The following FURIN variants were observed in gnomAD, a reference collection of about 807,000 sequenced individuals.
The protein encoded by FURIN is furin, paired basic amino acid cleaving enzyme, also known as FES upstream region.
Under a neutral mutation model 89.2 loss-of-function variants are expected in FURIN, and 18 were observed. The ratio of observed to expected loss-of-function variants is 0.20; its 90% CI spans 0.14 to 0.30. The LOEUF is 0.30. FURIN is among the 10% of genes least tolerant of loss of function. FURIN has a pLI of 1.00. For missense variants in FURIN, 879 were observed against 1,100.5 expected (o/e 0.80, Z 2.85); for synonymous variants, 508 against 466.4 (o/e 1.09, Z -1.15).
rs766394395 is a variant in FURIN, at chr15:90,875,585, C to G, written c.-156C>G. On this transcript the variant is annotated 5_prime_UTR_variant, in exon 2 of 16. Coordinates refer to ENST00000268171, the MANE Select transcript of FURIN (RefSeq NM_002569.4). ...TTTCCCCTCTTGTTCCTCTCAGGGT[C>G]GGCACTCTTCACCCTCCCGAGCCCT... 6 of 593,900 alleles carry G rather than the reference C, an allele frequency of 1.0e-5. No individual in the cohort carries two copies. The East Asian group carries it at 1.5e-4, about 15-fold the overall frequency. 36.8% of individuals were successfully genotyped at this position (593,900 alleles called of 1,614,324 possible). A position where few individuals can be genotyped will look rare whatever the true frequency, so the allele number is the denominator to read the frequency against.
intron 9 of FURIN, 150 bp from the exon 10 acceptor site, chr15:90,879,294 C>T: frequency 1.5e-6 from 1 of 655,842 alleles, no homozygotes; most frequent in Non-Finnish European, 2.7e-6. Context: ...GGCAAGTTAG[C>T]AAGGCAGCAG....
chr15:90,881,464 A>G lies in FURIN; in HGVS notation c.1971A>G (p.Thr657=). The change falls in exon 16 of 16, where the codon ACA becomes ACG. Residue 657 remains threonine, a synonymous_variant. Transcript: ENST00000268171. This position sits in a 1 kb window ranked among gnomAD's most constrained non-coding sequence, Gnocchi z 4.3. The part of the protein sequence containing the change: ...SCATCQGPAL[T]DCLSCPSHAS... The stretch of plus-strand genomic sequence containing the variant: ...CCACATGCCAGGGGCCGGCCCTGAC[A>G]GACTGCCTCAGCTGCCCCAGCCACG... The G allele has an allele frequency of 6.2e-7, 1 of 1,611,978 alleles. No individual in the cohort carries two copies. Among genetic ancestry groups the G allele is most frequent in the Non-Finnish European group, 8.5e-7 (1 of 1,179,746 alleles).
Position 90,875,868 on chromosome 15 carries a change from C to T in FURIN, c.128C>T (p.Ala43Val), listed in dbSNP as rs16944971. Residue 43 changes from alanine (A) to valine (V), a missense_variant, in exon 2 of 16, where the codon GCG (alanine) becomes GTG (valine). Ala to Val is a moderately conservative substitution (Grantham distance 64, BLOSUM62 0). Transcript: ENST00000268171. ...TWAVRIPGGP[A>V]VANSVARKHG... The stretch of plus-strand genomic sequence containing the variant: ...GCTGTGCGCATCCCTGGAGGCCCAG[C>T]GGTGGCCAACAGTGTGGCACGGAAG... 6.7e-3 allele frequency: 10,598 copies of T among 1,586,906 alleles called. 264 individuals carry two copies. In the African/African-American group the frequency reaches 0.079, roughly 12 times the overall value.
In FURIN at chr15:90,876,686, C is replaced by G; in HGVS notation, c.372+129C>G. 15 of 814,228 alleles carry G rather than the reference C, an allele frequency of 1.8e-5. 3 individuals carry two copies. The South Asian group carries it at 2.3e-4, about 13-fold the overall frequency. 50.4% of individuals were successfully genotyped at this position (814,228 alleles called of 1,614,324 possible). ...GTTTCCTTTCCTCCTGCTGGGCAGT[C>G]TCTCCTTGGCCCATCCTAATAAGCA... On this transcript the variant is annotated intron_variant, in intron 4 of 15. Coordinates refer to ENST00000268171, the MANE Select transcript of FURIN (RefSeq NM_002569.4). The surrounding 1 kb of genome is among the most constrained non-coding windows in gnomAD (Gnocchi z 5.0).
At position 90,876,224 on chromosome 15, in the gene FURIN, A is replaced by G; in HGVS notation, c.178-31A>G. 1 of 1,428,770 alleles carries G rather than the reference A, an allele frequency of 7.0e-7. No homozygotes were observed. Among genetic ancestry groups the G allele is most frequent in the Non-Finnish European group, 9.9e-7 (1 of 1,011,624 alleles). 88.5% of individuals were successfully genotyped at this position (1,428,770 alleles called of 1,614,324 possible). A position where few individuals can be genotyped will look rare whatever the true frequency, so the allele number is the denominator to read the frequency against. On this transcript the variant is annotated intron_variant, in intron 2 of 15. Coordinates refer to ENST00000268171, the MANE Select transcript of FURIN (RefSeq NM_002569.4). The surrounding 1 kb of genome is among the most constrained non-coding windows in gnomAD (Gnocchi z 5.0). Reference sequence around the variant, plus strand: ...GCCTCCCGGGGACTGACAGATGGAAAGCCCAGCTCAGTCTCCCTGCTCTAT... The same window carrying G: ...GCCTCCCGGGGACTGACAGATGGAAGGCCCAGCTCAGTCTCCCTGCTCTAT...
rs534765439 is a variant in FURIN at position 90,875,927 on chromosome 15, C to A, written c.177+10C>A. ...CCTCAACCTGGGCCAGGTAGGTGTT[C>A]CCCCACAGGACACTGCCAGGGGGTG... On this transcript the variant is annotated intron_variant, in intron 2 of 15. Transcript: ENST00000268171. The A allele has an allele frequency of 1.3e-6, 2 of 1,568,992 alleles. No homozygotes were observed. The highest frequency in any genetic ancestry group is 1.2e-5 in the South Asian group (1 of 84,906).
chr15:90,870,397 G>A (rs60896126), intron 1 of FURIN, among the ~76,000 whole-genome samples: 2,607 of 152,284 alleles, frequency 0.017, 75 homozygotes, highest in African/African-American at 0.059. Flanking sequence ...CATGGGGCAT[G>A]TGGTGAGGAT....
chr15:90,876,796 A>C lies in FURIN; in HGVS notation c.373-100A>C. On this transcript the variant is annotated intron_variant, in intron 4 of 15. Transcript: ENST00000268171. This position sits in a 1 kb window ranked among gnomAD's most constrained non-coding sequence, Gnocchi z 5.0. ...GCGGCCTTTCAGGAGCAGGGATGGT[A>C]CAGGAGGAGGTTTTACGGGGGCAAA... The C allele has an allele frequency of 7.7e-7, 1 of 1,303,680 alleles. No individual in the cohort carries two copies. Among genetic ancestry groups the C allele is most frequent in the Non-Finnish European group, 1.1e-6 (1 of 914,858 alleles). 80.8% of individuals were successfully genotyped at this position (1,303,680 alleles called of 1,614,324 possible).
chr15:90,881,775 G>T lies in FURIN; in HGVS notation c.2282G>T (p.Gly761Val). The change falls in exon 16 of 16, where the codon GGG becomes GTG. Residue 761 changes from glycine to valine, a missense_variant. Physicochemically the swap from Gly to Val is moderately radical, Grantham distance 109. Around this residue, in one of 5 missense-constraint regions of FURIN, gnomAD observed 457 missense variants for 490.7 expected, o/e 0.93. Transcript: ENST00000268171. This position sits in a 1 kb window ranked among gnomAD's most constrained non-coding sequence, Gnocchi z 4.3. ...GACCGTGGCCTCATCTCCTACAAGG[G>T]GCTGCCCCCTGAAGCCTGGCAGGAG... ...TMDRGLISYK[G>V]LPPEAWQEEC... The T allele has an allele frequency of 1.2e-6, 2 of 1,613,410 alleles. No homozygotes were observed. The highest frequency in any genetic ancestry group is 1.7e-6 in the Non-Finnish European group (2 of 1,179,720).
rs577668112 is a variant in FURIN, at chr15:90,881,364, A to C, written c.1871A>C (p.Asp624Ala). ...CCAGGGTTCGCCCCCCAAGTCCTCG[A>C]TACGCACTATAGCACCGAGAATGAC... ...CPPGFAPQVL[D>A]THYSTENDVE... The change falls in exon 16 of 16, where the codon GAT becomes GCT. Residue 624 changes from aspartate (D) to alanine (A), a missense_variant. By Grantham distance (126) the Asp-to-Ala change is moderately radical (BLOSUM62 -2). Coordinates refer to ENST00000268171, the MANE Select transcript of FURIN (RefSeq NM_002569.4). This position sits in a 1 kb window ranked among gnomAD's most constrained non-coding sequence, Gnocchi z 4.3. 6.2e-7 allele frequency: 1 copy of C among 1,612,974 alleles called. No individual in the cohort carries two copies. Among genetic ancestry groups the C allele is most frequent in the Admixed American group, 1.7e-5 (1 of 60,014 alleles).
At position 90,880,148 on chromosome 15, in the gene FURIN, G is replaced by C. The variant is rs756991526; in HGVS notation, c.1431G>C (p.Glu477Asp). 1 of 1,612,410 alleles carries C rather than the reference G, an allele frequency of 6.2e-7. No individual in the cohort carries two copies. Among genetic ancestry groups the C allele is most frequent in the East Asian group, 2.2e-5 (1 of 44,850 alleles). The change falls in exon 13 of 16, where the codon GAG (glutamate) becomes GAC (aspartate). Residue 477 changes from glutamate to aspartate, a missense_variant. This residue lies in a region of FURIN where 457 missense variants were observed against 490.7 expected (regional missense o/e 0.93). Coordinates refer to ENST00000268171, the MANE Select transcript of FURIN (RefSeq NM_002569.4). ...VRKTVTACLG[E>D]PNHITRLEHA... ...AGACCGTGACCGCGTGCCTGGGCGAGCCCAACCACATCACTCGGCTGGAGC... is the reference window on the plus strand; with the variant it reads ...AGACCGTGACCGCGTGCCTGGGCGACCCCAACCACATCACTCGGCTGGAGC...
In FURIN at chr15:90,877,560, G is replaced by A. The variant is rs749615638; in HGVS notation, c.612G>A (p.Ala204=). The A allele has an allele frequency of 7.6e-6, 12 of 1,579,652 alleles. No homozygotes were observed. The highest frequency in any genetic ancestry group is 1.7e-4 in the Middle Eastern group (1 of 6,022). The change falls in exon 7 of 16, where the codon GCG becomes GCA. Residue 204 remains alanine, a synonymous_variant. Coordinates refer to ENST00000268171, the MANE Select transcript of FURIN (RefSeq NM_002569.4). ...CACGGTGTGCGGGGGAAGTGGCTGC[G>A]GTGGCCAACAACGGTGTCTGTGGTG... ...HGTRCAGEVA[A]VANNGVCGVG...
In FURIN at chr15:90,876,010, G is replaced by A; in HGVS notation, c.177+93G>A. 8.8e-7 allele frequency: 1 copy of A among 1,136,346 alleles called. No individual in the cohort carries two copies. The highest frequency in any genetic ancestry group is 1.2e-6 in the Non-Finnish European group (1 of 809,306). The allele number at this position is 1,136,346 out of a possible 1,614,324, so 70.4% of individuals were successfully genotyped here. On this transcript the variant is annotated intron_variant, in intron 2 of 15. Transcript: ENST00000268171. The surrounding 1 kb of genome is among the most constrained non-coding windows in gnomAD (Gnocchi z 5.0). ...AGCTGTTGGCCTTGTTTGCTCAGGG[G>A]CATCTGGGTAGCCGGCATGTTCTGG...
chr15:90,874,400 CAGGCA>C (rs2031492238), intron 1 of FURIN, among the ~76,000 whole-genome samples: 1 of 152,260 alleles, frequency 6.6e-6, no homozygotes, highest in Non-Finnish European at 1.5e-5. Context: ...CCTCCAGGCC[CAGGCA>C]GGGCAGGGCT....
At chr15:90,877,406 G>T (rs1026634354) in intron 6 of FURIN, 121 bp from the exon 7 acceptor site, 11 of 917,306 alleles carry the variant, frequency 1.2e-5, no homozygotes, top group Admixed American at 2.3e-5. Flanking sequence ...GGAGATGGGG[G>T]CTGGGTACTC....
At chr15:90,873,736 C>T (rs373915034) in intron 1 of FURIN, among the ~76,000 whole-genome samples, 13 of 152,174 alleles carry the variant, frequency 8.5e-5, no homozygotes, top group African/African-American at 2.7e-4. Context: ...CACCATGGGG[C>T]TGTGGTTCCG....
At position 90,882,308 on chromosome 15, in the gene FURIN, CCTCTCCAAGGGCTTCTG is replaced by C; in HGVS notation, c.*432_*448del. 5.2e-6 allele frequency: 1 copy of C among 191,532 alleles called. No homozygotes were observed. Among genetic ancestry groups the C allele is most frequent in the Non-Finnish European group, 1.1e-5 (1 of 91,056 alleles). 11.9% of individuals were successfully genotyped at this position (191,532 alleles called of 1,614,324 possible). A position where few individuals can be genotyped will look rare whatever the true frequency, so the allele number is the denominator to read the frequency against. On this transcript the variant is annotated 3_prime_UTR_variant, in exon 16 of 16. Transcript: ENST00000268171. ...AGGAGATATCTGAGGGAGGAGGCCA[CCTCTCCAAGGGCTTCTG>C]CACCCTCCACCCTGTCCCCCAGCTC... is the stretch of plus-strand genomic sequence containing the variant.
At position 90,876,578 on chromosome 15, in the gene FURIN, C is replaced by A; in HGVS notation, c.372+21C>A. ...ACCTGGTACGTGGCCTTCTTCGCTGCTGGGACCTCCTCCCCAGATGCACCA... is the reference window on the plus strand; with the variant it reads ...ACCTGGTACGTGGCCTTCTTCGCTGATGGGACCTCCTCCCCAGATGCACCA... On this transcript the variant is annotated intron_variant, in intron 4 of 15. Transcript: ENST00000268171. This position sits in a 1 kb window ranked among gnomAD's most constrained non-coding sequence, Gnocchi z 5.0. 1 of 1,471,860 alleles carries A rather than the reference C, an allele frequency of 6.8e-7. No individual in the cohort carries two copies. The highest frequency in any genetic ancestry group is 9.5e-7 in the Non-Finnish European group (1 of 1,051,200). 91.2% of individuals were successfully genotyped at this position (1,471,860 alleles called of 1,614,324 possible). A position where few individuals can be genotyped will look rare whatever the true frequency, so the allele number is the denominator to read the frequency against.
In FURIN at chr15:90,876,383, C is replaced by T; in HGVS notation, c.276+30C>T. 2 of 1,528,212 alleles carry T rather than the reference C, an allele frequency of 1.3e-6. No individual in the cohort carries two copies. Among genetic ancestry groups the T allele is most frequent in the Non-Finnish European group, 1.8e-6 (2 of 1,102,178 alleles). The allele number at this position is 1,528,212 out of a possible 1,614,324, so 94.7% of individuals were successfully genotyped here. On this transcript the variant is annotated intron_variant, in intron 3 of 15. Coordinates refer to ENST00000268171, the MANE Select transcript of FURIN (RefSeq NM_002569.4). The surrounding 1 kb of genome is among the most constrained non-coding windows in gnomAD (Gnocchi z 5.0). ...GTGTGGCCCCAGCCCCCTCCTGCTG[C>T]CACCCTCCCCCTCCTGCTCTCAGGA...
Sources: allele counts gnomAD v4.1 joint callset (sites outside exome capture counted in the v4.1 genomes callset), GRCh38; gene constraint gnomAD v4.1.1; regional missense constraint gnomAD v4.1.1; non-coding constraint Gnocchi (gnomAD v3.1); transcripts MANE v1.5; gene names NCBI Gene and HGNC (gene_info 2026-07-23, HGNC 2026-07-21).